The following AKAP12 variants were observed in gnomAD, a reference collection of about 807,000 sequenced individuals.
AKAP12 encodes the protein A-kinase anchor protein 12.
Under a neutral mutation model 79.9 loss-of-function variants are expected in AKAP12, and 32 were observed. That is an observed-to-expected ratio of 0.40 (90% CI 0.30 to 0.54). AKAP12 has a LOEUF of 0.54. Among genes scored for constraint, AKAP12 ranks in the 20% least tolerant of loss-of-function variants. The pLI is 0.48. For missense variants in AKAP12, 2,074 were observed against 2,177.0 expected (o/e 0.95, Z 0.94); for synonymous variants, 808 against 857.0 (o/e 0.94, Z 1.00).
chr6:151,351,064 G>C lies in AKAP12; in HGVS notation c.2673G>C (p.Met891Ile). 1 of 1,614,166 alleles carries C rather than the reference G, an allele frequency of 6.2e-7. No homozygotes were observed. The highest frequency in any genetic ancestry group is 8.5e-7 in the Non-Finnish European group (1 of 1,180,042). The change falls in exon 4 of 5, where the codon ATG becomes ATC. Residue 891 changes from methionine to isoleucine, a missense_variant. Physicochemically the swap from Met to Ile is conservative, Grantham distance 10 (BLOSUM62 1). This residue lies in a region of AKAP12 where 1,428 missense variants were observed against 1,451.0 expected (regional missense o/e 0.98). Transcript: ENST00000402676. The surrounding 1 kb of genome is among the most constrained non-coding windows in gnomAD (Gnocchi z 4.4). ...SKELSESQVH[M>I]MAAAVADGTR... Reference sequence around the variant, plus strand: ...AGCTCAGCGAGAGTCAGGTTCATATGATGGCAGCAGCTGTCGCTGACGGGA... The same window carrying C: ...AGCTCAGCGAGAGTCAGGTTCATATCATGGCAGCAGCTGTCGCTGACGGGA...
chr6:151,344,097 T>A (rs1778022744), intron 3 of AKAP12: 1 of 219,762 alleles, frequency 4.6e-6, no homozygotes, highest in Non-Finnish European at 9.4e-6. Context: ...AATGTGTATT[T>A]TATAAAGAGA....
intron 2 of AKAP12, among the ~76,000 whole-genome samples, chr6:151,290,109 T>C (rs1285402426): frequency 1.3e-5 from 2 of 152,246 alleles, no homozygotes; most frequent in Non-Finnish European, 2.9e-5. Context: ...AAATGTGTTC[T>C]TAGAATAGTC....
intron 2 of AKAP12, among the ~76,000 whole-genome samples, chr6:151,265,167 T>C (rs1797527868): frequency 6.6e-6 from 1 of 150,778 alleles, no homozygotes; most frequent in Non-Finnish European, 1.5e-5. Flanking sequence ...AAAAAAAAAG[T>C]TTATATCTTA....
intron 2 of AKAP12, among the ~76,000 whole-genome samples, chr6:151,254,676 G>C (rs1352688051): frequency 6.6e-6 from 1 of 152,120 alleles, no homozygotes; most frequent in Non-Finnish European, 1.5e-5. Context: ...AATACAGAAA[G>C]CTCATTTAGC....
intron 3 of AKAP12, chr6:151,324,882 T>G: frequency 1.0e-6 from 1 of 985,466 alleles, no homozygotes; most frequent in South Asian, 4.7e-5. Flanking sequence ...GCCTGAAATC[T>G]TCTGAACTTT....
chr6:151,343,686 A>G (rs2114812607), intron 3 of AKAP12, among the ~76,000 whole-genome samples: 1 of 152,306 alleles, frequency 6.6e-6, no homozygotes, highest in East Asian at 1.9e-4. Context: ...TGGGAAGCTG[A>G]GGCAGGAGAA....
intron 2 of AKAP12, among the ~76,000 whole-genome samples, chr6:151,286,486 C>T (rs963046467): frequency 3.9e-5 from 6 of 152,184 alleles, no homozygotes; most frequent in South Asian, 2.1e-4. Context: ...GATGGGGCGT[C>T]GGCTTGCATT....
chr6:151,272,360 C>A (rs9397042), intron 2 of AKAP12, among the ~76,000 whole-genome samples: 26,075 of 123,348 alleles, frequency 0.21, 2,917 homozygotes, highest in African/African-American at 0.34. Context: ...AAAAAAAAAA[C>A]AAAAAAAACA....
chr6:151,277,368 A>G (rs1206663811), intron 2 of AKAP12, among the ~76,000 whole-genome samples: 2 of 152,198 alleles, frequency 1.3e-5, no homozygotes, highest in Non-Finnish European at 2.9e-5. Flanking sequence ...AACCACACCT[A>G]TAGACAAAAA....
intron 3 of AKAP12, among the ~76,000 whole-genome samples, chr6:151,323,541 G>A (rs1334183315): frequency 1.4e-5 from 2 of 144,432 alleles, no homozygotes; most frequent in Non-Finnish European, 3.0e-5. Flanking sequence ...TGACAAGAGC[G>A]AGACTCCATC....
At chr6:151,307,688 T>C (rs1777004193) in intron 3 of AKAP12, among the ~76,000 whole-genome samples, 1 of 152,152 alleles carries the variant, frequency 6.6e-6, no homozygotes, top group African/African-American at 2.4e-5. Flanking sequence ...ATAGTCCAGA[T>C]GTGATTTCTT....
intron 3 of AKAP12, among the ~76,000 whole-genome samples, chr6:151,327,199 G>T (rs1161093306): frequency 6.6e-6 from 1 of 150,718 alleles, no homozygotes; most frequent in Non-Finnish European, 1.5e-5. Context: ...AAAGCCATGC[G>T]CTCCAGTGGA....
chr6:151,323,301 AGC>A (rs1777444223), intron 3 of AKAP12, among the ~76,000 whole-genome samples: 1 of 152,224 alleles, frequency 6.6e-6, no homozygotes. Flanking sequence ...CTGTAGTCCC[AGC>A]GCTTTGGGAG....
At chr6:151,343,755 G>A (rs1778009872) in intron 3 of AKAP12, among the ~76,000 whole-genome samples, 1 of 152,124 alleles carries the variant, frequency 6.6e-6, no homozygotes, top group Non-Finnish European at 1.5e-5. Context: ...CTGCACTCCA[G>A]CGTGGGTGAC....
At chr6:151,289,460 C>A (rs903142204) in intron 2 of AKAP12, among the ~76,000 whole-genome samples, 1 of 152,172 alleles carries the variant, frequency 6.6e-6, no homozygotes, top group Non-Finnish European at 1.5e-5. Context: ...GTAGCAAACA[C>A]CAACCAGCCA....
intron 2 of AKAP12, among the ~76,000 whole-genome samples, chr6:151,297,339 G>A (rs1776757066): frequency 6.6e-6 from 1 of 151,972 alleles, no homozygotes; most frequent in Admixed American, 6.6e-5. Flanking sequence ...CACTTTGGGA[G>A]GCCGAGGCGG....
intron 2 of AKAP12, among the ~76,000 whole-genome samples, chr6:151,282,658 C>T (rs1776432926): frequency 1.3e-5 from 2 of 152,242 alleles, no homozygotes; most frequent in Middle Eastern, 3.4e-3. Flanking sequence ...TGGGGCTCTC[C>T]GCAGTGAGGG....
rs549640957 is a variant in AKAP12 at position 151,240,845 on chromosome 6, A to C, written c.162+121A>C. 4.2e-4 allele frequency: 406 copies of C among 957,188 alleles called. 1 individual carries two copies. The highest frequency in any genetic ancestry group is 4.2e-3 in the African/African-American group (247 of 59,054). 59.3% of individuals were successfully genotyped at this position (957,188 alleles called of 1,614,324 possible). A position where few individuals can be genotyped will look rare whatever the true frequency, so the allele number is the denominator to read the frequency against. ...TCCCAGCCCATCCAGCCGCATCTGC[A>C]AACTCAGGAGTGCGAACCCCTCTTT... On this transcript the variant is annotated intron_variant, in intron 2 of 4. Coordinates refer to ENST00000402676, the MANE Select transcript of AKAP12 (RefSeq NM_005100.4).
chr6:151,303,308 A>C (rs963451286), intron 2 of AKAP12, among the ~76,000 whole-genome samples: 1 of 152,208 alleles, frequency 6.6e-6, no homozygotes, highest in East Asian at 1.9e-4. Context: ...TTCATTTAAA[A>C]TGCCCATCTT....
Sources: gnomAD v4.1 joint callset for allele counts (sites outside exome capture counted in the v4.1 genomes callset) on GRCh38, gnomAD v4.1.1 for gene constraint, gnomAD v4.1.1 regional missense constraint, Gnocchi (gnomAD v3.1) non-coding constraint, MANE v1.5 for transcripts, NCBI Gene and HGNC (gene_info 2026-07-23, HGNC 2026-07-21) for gene names.